MRPS7: variants seen among roughly 807,000 people sequenced by gnomAD.
MRPS7 encodes the protein mitochondrial ribosomal protein S7, also known as small ribosomal subunit protein uS7m.
Under a neutral mutation model 26.2 loss-of-function variants are expected in MRPS7, and 13 were observed. That is an observed-to-expected ratio of 0.50 (90% confidence interval 0.32 to 0.79). MRPS7 has a LOEUF of 0.79. Among genes scored for constraint, MRPS7 ranks in the 30% least tolerant of loss-of-function variants. The pLI is 0.03. For synonymous variants in MRPS7, 129 were observed against 113.3 expected, an observed-to-expected ratio of 1.14 and a Z score of -0.88; for missense variants, 318 against 312.2, an observed-to-expected ratio of 1.02 and a Z score of -0.14.
intron 4 of MRPS7, 145 bp from the exon 5 acceptor site, chr17:75,265,557 G>A (rs1241132759): frequency 7.4e-6 from 5 of 679,204 alleles, no homozygotes; most frequent in African/African-American, 3.6e-5. Flanking sequence ...AGGGAAGCTC[G>A]AAGAAAAGAC....
chr17:75,261,908 C>A lies in MRPS7; in HGVS notation c.8C>A (p.Ala3Asp). Residue 3 changes from alanine to aspartate, a missense_variant, in exon 1 of 5, where the codon GCC becomes GAC. Physicochemically the swap from Ala to Asp is moderately radical, Grantham distance 126. Transcript: ENST00000245539. ...TCCTCGTGGCCAGCCAAGATGGCTG[C>A]CCCCGCAGTGAAGGTTGCCCGAGGA... is the stretch of plus-strand genomic sequence containing the variant. MA[A>D]PAVKVARGWS... 2 of 1,608,438 alleles carry A rather than the reference C, an allele frequency of 1.2e-6. No individual in the cohort carries two copies. Among genetic ancestry groups the A allele is most frequent in the Non-Finnish European group, 1.7e-6 (2 of 1,179,612 alleles).
intron 4 of MRPS7, chr17:75,264,252 G>A (rs1020655915): frequency 2.0e-5 from 3 of 151,988 alleles, no homozygotes; most frequent in African/African-American, 7.3e-5. Flanking sequence ...ATAGGCAGAA[G>A]GTGGAAGAGA....
intron 3 of MRPS7, chr17:75,263,124 C>T: frequency 3.1e-6 from 2 of 635,828 alleles, no homozygotes; most frequent in South Asian, 2.1e-5. Flanking sequence ...CCCACCTCAC[C>T]CCCCACCCCC....
At chr17:75,265,661 C>A (rs754924265) in intron 4 of MRPS7, 41 bp from the exon 5 acceptor site, 1 of 1,568,710 alleles carries the variant, frequency 6.4e-7, no homozygotes, top group Non-Finnish European at 8.8e-7. Flanking sequence ...CAAACCCTGG[C>A]AGACTCTTGG....
intron 3 of MRPS7, 46 bp from the exon 4 acceptor site, chr17:75,263,294 C>A: frequency 6.2e-7 from 1 of 1,610,444 alleles, no homozygotes. Context: ...CTGGGTAAAC[C>A]CTTTAGGGAG....
At chr17:75,262,983 T>G in intron 3 of MRPS7, 116 bp downstream of exon 3, 2 of 1,040,958 alleles carry the variant, frequency 1.9e-6, no homozygotes, top group South Asian at 3.0e-5. Context: ...TTATTCAGAT[T>G]AACTTCCCTG....
chr17:75,263,574 G>A, intron 4 of MRPS7, 67 bp downstream of exon 4: 1 of 1,593,712 alleles, frequency 6.3e-7, no homozygotes, highest in South Asian at 1.1e-5. Flanking sequence ...TGGTGCTTGG[G>A]AGTTGGGTCA....
rs755596097 is a variant in MRPS7 at position 75,261,915 on chromosome 17, A to C, written c.15A>C (p.Ala5=). MAAP[A]VKVARGWSGL... ...GGCCAGCCAAGATGGCTGCCCCCGC[A>C]GTGAAGGTTGCCCGAGGATGGTCGG... The change falls in exon 1 of 5, where the codon GCA becomes GCC. Residue 5 remains alanine (A), a synonymous_variant. Coordinates refer to ENST00000245539, the MANE Select transcript of MRPS7 (RefSeq NM_015971.4). The C allele has an allele frequency of 6.2e-7, 1 of 1,609,042 alleles. No individual in the cohort carries two copies. Among genetic ancestry groups the C allele is most frequent in the Non-Finnish European group, 8.5e-7 (1 of 1,179,790 alleles).
chr17:75,264,957 T>A (rs2077462308), intron 4 of MRPS7, among the ~76,000 whole-genome samples: 1 of 152,204 alleles, frequency 6.6e-6, no homozygotes, highest in Non-Finnish European at 1.5e-5. Context: ...TCACCCCAGC[T>A]AATGGGGCTT....
intron 4 of MRPS7, among the ~76,000 whole-genome samples, chr17:75,265,067 A>C (rs2077463655): frequency 6.6e-6 from 1 of 150,408 alleles, no homozygotes; most frequent in South Asian, 2.1e-4. Context: ...TTTGAGACGA[A>C]GTCTCGCTCT....
rs1156714248 is a variant in MRPS7 at position 75,265,781 on chromosome 17, A to G, written c.587A>G (p.His196Arg). Reference sequence around the variant, plus strand: ...ATCACTGAGTGCCGGGATAAAAAGCACCAGCGGACACTGATGCCGGAGAAG... The same window carrying G: ...ATCACTGAGTGCCGGGATAAAAAGCGCCAGCGGACACTGATGCCGGAGAAG... ...WMITECRDKK[H>R]QRTLMPEKLS... Residue 196 changes from histidine (H) to arginine (R), a missense_variant, in exon 5 of 5, where the codon CAC becomes CGC. Coordinates refer to ENST00000245539, the MANE Select transcript of MRPS7 (RefSeq NM_015971.4). The G allele has an allele frequency of 6.2e-7, 1 of 1,614,192 alleles. No homozygotes were observed. The highest frequency in any genetic ancestry group is 2.2e-5 in the East Asian group (1 of 44,896).
chr17:75,262,783 G>A lies in MRPS7; in HGVS notation c.276-21G>A, dbSNP rs1249471304. 3 of 1,614,044 alleles carry A rather than the reference G, an allele frequency of 1.9e-6. No individual in the cohort carries two copies. In the South Asian group the frequency reaches 3.3e-5, roughly 18 times the overall value. ...GTGATACAGCCTTGGAGAGCTAAAC[G>A]TGTTGCTTTTCTCTTTGAAGTAAAT... On this transcript the variant is annotated intron_variant, in intron 2 of 4. Transcript: ENST00000245539.
In MRPS7 at chr17:75,261,980, C is replaced by A; in HGVS notation, c.80C>A (p.Pro27Gln). ...LGVRRAVLQL[P>Q]GLTQVRWSRY... ...GTGCGGCGGGCTGTCTTGCAGCTTC[C>A]AGGGTGAGAGGGTGGCGAGCAGCGG... The change falls in exon 1 of 5, where the codon CCA becomes CAA. Residue 27 changes from proline to glutamine, a missense_variant. Pro to Gln is a moderately conservative substitution (Grantham distance 76). Coordinates refer to ENST00000245539, the MANE Select transcript of MRPS7 (RefSeq NM_015971.4). 1 of 1,584,514 alleles carries A rather than the reference C, an allele frequency of 6.3e-7. No homozygotes were observed. Among genetic ancestry groups the A allele is most frequent in the Non-Finnish European group, 8.5e-7 (1 of 1,173,522 alleles).
intron 1 of MRPS7, chr17:75,262,188 A>C (rs2077411928): frequency 1.5e-6 from 1 of 687,486 alleles, no homozygotes; most frequent in Non-Finnish European, 2.4e-6. Context: ...CTAGGGTTCT[A>C]ACGCGGAGCT....
intron 1 of MRPS7, 51 bp downstream of exon 1, chr17:75,262,034 GC>G: frequency 6.3e-7 from 1 of 1,591,304 alleles, no homozygotes. Flanking sequence ...AAGGAAGGGG[GC>G]CACAGGCAGG....
At chr17:75,262,771 G>A (rs1450045708) in intron 2 of MRPS7, 33 bp from the exon 3 acceptor site, 8 of 1,613,720 alleles carry the variant, frequency 5.0e-6, no homozygotes, top group Non-Finnish European at 5.9e-6. Context: ...ATACAGCCTT[G>A]GAGAGCTAAA....
chr17:75,262,088 T>A, intron 1 of MRPS7, 105 bp downstream of exon 1: 1 of 1,342,764 alleles, frequency 7.4e-7, no homozygotes, highest in Non-Finnish European at 1.0e-6. Flanking sequence ...GGGGCCGGAG[T>A]ATCTGGATTC....
chr17:75,263,708 G>C, intron 4 of MRPS7: 1 of 666,956 alleles, frequency 1.5e-6, no homozygotes, highest in South Asian at 2.0e-5. Flanking sequence ...GGGAGATCCC[G>C]TCTCTACAAA....
intron 4 of MRPS7, 27 bp downstream of exon 4, chr17:75,263,534 C>T (rs771244149): frequency 2.5e-5 from 40 of 1,613,192 alleles, no homozygotes; most frequent in Non-Finnish European, 2.9e-5. Context: ...GGCAAGAAAG[C>T]AGGGCCCTCC....
Sources: gnomAD v4.1 joint callset for allele counts (sites outside exome capture counted in the v4.1 genomes callset) on GRCh38, gnomAD v4.1.1 for gene constraint, MANE v1.5 for transcripts, NCBI Gene and HGNC (gene_info 2026-07-23, HGNC 2026-07-21) for gene names.